The following ZNF577 variants were observed in gnomAD, a reference collection of about 807,000 sequenced individuals.
ZNF577 encodes the protein zinc finger protein 577.
In ZNF577, 14 loss-of-function variants were observed where a neutral mutation model predicts 13.9. The observed-to-expected ratio is 1.00, with a 90% confidence interval of 0.66 to 1.57. ZNF577 has a LOEUF of 1.57. Ranked by LOEUF, ZNF577 falls within the 40% of genes most tolerant of loss-of-function variation. ZNF577 has a pLI of 0.00. For synonymous variants in ZNF577, 203 were observed against 202.9 expected, an observed-to-expected ratio of 1.00 and a Z score of 0.00; for missense variants, 555 against 579.2, an observed-to-expected ratio of 0.96 and a Z score of 0.43.
intron 10 of ZNF577, among the ~76,000 whole-genome samples, chr19:51,808,110 G>A (rs1408275558): frequency 6.6e-6 from 1 of 152,186 alleles, no homozygotes; most frequent in Non-Finnish European, 1.5e-5. Flanking sequence ...TTTGGCTTCT[G>A]CCTCTTTAGT....
At position 51,861,081 on chromosome 19, in the gene ZNF577, T is replaced by C. The variant is rs73570031; in HGVS notation, c.284-16150A>G. On this transcript the variant is annotated intron_variant and NMD_transcript_variant, in intron 5 of 10. Coordinates refer to the ZNF577 transcript ENST00000638827. ...GCTTCTAGTTTTCTAATAAACTTTT[T>C]TGACAATCACTGCACTCATAATTGA... 4.6e-3 allele frequency: 1,736 copies of C among 375,412 alleles called. 38 individuals are homozygous for C. Among genetic ancestry groups the C allele is most frequent in the African/African-American group, 0.036 (1,577 of 43,702 alleles). 23.3% of individuals were successfully genotyped at this position (375,412 alleles called of 1,614,324 possible).
intron 9 of ZNF577, among the ~76,000 whole-genome samples, chr19:51,816,676 C>T (rs1482524416): frequency 6.6e-6 from 1 of 152,194 alleles, no homozygotes; most frequent in Non-Finnish European, 1.5e-5. Flanking sequence ...GCCCATCAGT[C>T]AGAAGTACAG....
chr19:51,807,780 G>A (rs545857383), intron 10 of ZNF577, among the ~76,000 whole-genome samples: 23 of 152,380 alleles, frequency 1.5e-4, no homozygotes, highest in African/African-American at 5.5e-4. Flanking sequence ...TTGCCAGGCA[G>A]TCGACATTTC....
chr19:51,857,848 A>C (rs1430070334), intron 5 of ZNF577, among the ~76,000 whole-genome samples: 1 of 152,110 alleles, frequency 6.6e-6, no homozygotes, highest in Non-Finnish European at 1.5e-5. Context: ...TTATTTTAAA[A>C]TTTTTTGTAG....
intron 5 of ZNF577, among the ~76,000 whole-genome samples, chr19:51,876,472 C>T (rs1335423546): frequency 6.6e-6 from 1 of 151,552 alleles, no homozygotes; most frequent in East Asian, 1.9e-4. Context: ...AAAACAGAAG[C>T]TGGAAAGGCG....
At chr19:51,860,283 G>A (rs1477216164) in intron 5 of ZNF577, 1 of 152,178 alleles carries the variant, frequency 6.6e-6, no homozygotes, top group Non-Finnish European at 1.5e-5. Context: ...TCTGTATGGA[G>A]CAAATTCTGC....
intron 5 of ZNF577, among the ~76,000 whole-genome samples, chr19:51,876,642 A>G (rs929692018): frequency 5.3e-5 from 8 of 152,052 alleles, no homozygotes; most frequent in Non-Finnish European, 7.4e-5. Flanking sequence ...AAGTAATGCA[A>G]TCCAGCCAGG....
chr19:51,857,902 G>A (rs935464786), intron 5 of ZNF577, among the ~76,000 whole-genome samples: 1 of 151,920 alleles, frequency 6.6e-6, no homozygotes, highest in African/African-American at 2.4e-5. Flanking sequence ...TCAAACTCCT[G>A]GGCTCAAGGG....
intron 10 of ZNF577, among the ~76,000 whole-genome samples, chr19:51,806,922 T>C (rs2084062830): frequency 6.6e-6 from 1 of 152,196 alleles, no homozygotes; most frequent in Non-Finnish European, 1.5e-5. Context: ...TTGGTAAAGA[T>C]GTGTAAGTTG....
intron 9 of ZNF577, among the ~76,000 whole-genome samples, chr19:51,833,545 G>T (rs1237993431): frequency 6.6e-6 from 1 of 152,200 alleles, no homozygotes; most frequent in African/African-American, 2.4e-5. Context: ...GAGCCTGTAG[G>T]TGATTCTTGG....
Position 51,823,689 on chromosome 19 carries a change from T to C in ZNF577, c.*600-12015A>G, listed in dbSNP as rs868227413. ...CAGTGGAAGTTAATGAATAGTTGTATTGTAAGATGGTGTCACAGCTGAGAA... is the reference window on the plus strand; with the variant it reads ...CAGTGGAAGTTAATGAATAGTTGTACTGTAAGATGGTGTCACAGCTGAGAA... On this transcript the variant is annotated intron_variant and NMD_transcript_variant, in intron 9 of 10. Transcript: ENST00000638827. The C allele has an allele frequency of 4.4e-6, 6 of 1,370,132 alleles. No individual in the cohort carries two copies. In the Middle Eastern group the frequency reaches 8.2e-4, roughly 188 times the overall value. The allele number at this position is 1,370,132 out of a possible 1,614,324, so 84.9% of individuals were successfully genotyped here.
At chr19:51,851,253 A>C (rs2084377392) in intron 5 of ZNF577, among the ~76,000 whole-genome samples, 1 of 152,192 alleles carries the variant, frequency 6.6e-6, no homozygotes. Context: ...CAAACTTGAC[A>C]AGTAGATATC....
Position 51,870,642 on chromosome 19 carries a change from T to G in ZNF577, c.*1890A>C, listed in dbSNP as rs2084644446. 6.6e-6 allele frequency among the ~76,000 whole-genome samples: 1 copy of G among 152,202 alleles called. No individual in the cohort carries two copies. The highest frequency in any genetic ancestry group is 2.1e-4 in the South Asian group (1 of 4,828). Reference sequence around the variant, plus strand: ...GTTTCTCACATACATATGCTGATTATGACTCAAAAGGCTTGTGGGGGAAAC... The same window carrying G: ...GTTTCTCACATACATATGCTGATTAGGACTCAAAAGGCTTGTGGGGGAAAC... On this transcript the variant is annotated 3_prime_UTR_variant, in exon 6 of 6. Transcript: ENST00000638348.
chr19:51,882,800 C>CA (rs1182853522), intron 1 of ZNF577, among the ~76,000 whole-genome samples: 3 of 150,554 alleles, frequency 2.0e-5, no homozygotes, highest in African/African-American at 4.9e-5. Context: ...AAACAAAAGG[C>CA]AAAAAAAAGG....
In ZNF577 at chr19:51,869,767, A is replaced by C. The variant is rs1355132886; in HGVS notation, c.*2765T>G. Among the ~76,000 whole-genome samples the C allele has an allele frequency of 6.6e-6, 1 of 152,214 alleles. No homozygotes were observed. Among genetic ancestry groups the C allele is most frequent in the East Asian group, 1.9e-4 (1 of 5,198 alleles). ...CCTACAGGGGCTAAACAGTCAAGAC[A>C]CACCAGCCGCTAACTAGAATAAGTT... On this transcript the variant is annotated 3_prime_UTR_variant, in exon 6 of 6. Transcript: ENST00000638348.
intron 6 of ZNF577, among the ~76,000 whole-genome samples, chr19:51,843,589 C>T (rs531273967): frequency 6.6e-6 from 1 of 152,280 alleles, no homozygotes; most frequent in South Asian, 2.1e-4. Context: ...CTGTAACCCA[C>T]CTTAGGAGCA....
At chr19:51,823,775 G>T in intron 9 of ZNF577, 8 of 1,604,046 alleles carry the variant, frequency 5.0e-6, no homozygotes, top group Non-Finnish European at 6.8e-6. Flanking sequence ...CCATTCCTCT[G>T]AATGAAACTG....
intron 5 of ZNF577, among the ~76,000 whole-genome samples, chr19:51,845,685 A>G (rs1031588784): frequency 1.3e-5 from 2 of 152,152 alleles, no homozygotes; most frequent in South Asian, 2.1e-4. Context: ...TATGAATTCA[A>G]TAATTTTAGA....
In ZNF577 at chr19:51,872,251, C is replaced by T. The variant is rs1204502704; in HGVS notation, c.*281G>A. ...GTCTATGTTTCTTTGGCACACGAGG[C>T]ACAATTTAGCGCTAAAAGCACCATC... is the stretch of plus-strand genomic sequence containing the variant. On this transcript the variant is annotated 3_prime_UTR_variant, in exon 6 of 6. Transcript: ENST00000638348. The T allele has an allele frequency of 3.8e-6, 1 of 264,646 alleles. No individual in the cohort carries two copies. Among genetic ancestry groups the T allele is most frequent in the East Asian group, 7.6e-5 (1 of 13,162 alleles). 16.4% of individuals were successfully genotyped at this position (264,646 alleles called of 1,614,324 possible). A position where few individuals can be genotyped will look rare whatever the true frequency, so the allele number is the denominator to read the frequency against.
Sources: gnomAD v4.1 joint callset for allele counts (sites outside exome capture counted in the v4.1 genomes callset) on GRCh38, gnomAD v4.1.1 for gene constraint, MANE v1.5 for transcripts, NCBI Gene and HGNC (gene_info 2026-07-23, HGNC 2026-07-21) for gene names.